CIP2A: variants seen among roughly 807,000 people sequenced by gnomAD.
The protein encoded by CIP2A is protein CIP2A.
A neutral mutation model predicts 110.9 loss-of-function variants in CIP2A; 103 were observed. The observed-to-expected ratio is 0.93, with a 90% CI of 0.79 to 1.09. The LOEUF (loss-of-function observed/expected upper bound fraction) is 1.09, where lower values mean the gene tolerates loss of function less well. CIP2A is among the 50% of genes least tolerant of loss of function. The probability of loss-of-function intolerance (pLI) is 0.00; values close to 1 mark genes in which losing one functional copy is unlikely to be tolerated. For synonymous variants in CIP2A, 381 were observed against 361.6 expected (o/e 1.05, Z -0.61); for missense variants, 1,088 against 1,038.4 (o/e 1.05, Z -0.66).
Position 108,551,332 on chromosome 3 carries a change from G to A in CIP2A, c.2548-13C>T. 1 of 1,581,052 alleles carries A rather than the reference G, an allele frequency of 6.3e-7. No homozygotes were observed. The highest frequency in any genetic ancestry group is 1.2e-5 in the South Asian group (1 of 84,968). Reference sequence around the variant, plus strand: ...CTAGGGAGGAAGCCTAAGGAATTGGGGTTGGGGGAGGAGGAAGAATTGAGA... The same window carrying A: ...CTAGGGAGGAAGCCTAAGGAATTGGAGTTGGGGGAGGAGGAAGAATTGAGA... On this transcript the variant is annotated splice_polypyrimidine_tract_variant and intron_variant, in intron 20 of 20. Transcript: ENST00000295746.
chr3:108,559,362 T>A (rs1040517024), intron 16 of CIP2A, among the ~76,000 whole-genome samples: 2 of 152,142 alleles, frequency 1.3e-5, no homozygotes, highest in African/African-American at 4.8e-5. Context: ...TTTGTGGTAT[T>A]TGCTGTATAT....
rs1937916407 is a variant in CIP2A at position 108,559,254 on chromosome 3, AG to A, written c.2013+502del. On this transcript the variant is annotated intron_variant, in intron 16 of 20. Coordinates refer to ENST00000295746, the MANE Select transcript of CIP2A (RefSeq NM_020890.3). ...ATAGGAGGTAAAAACTGTGATTTCC[AG>A]GGTTCTTATTTGTAGAACACTAAAA... Among the ~76,000 whole-genome samples the A allele has an allele frequency of 2.6e-5, 4 of 152,292 alleles. No homozygotes were observed. In the South Asian group the frequency reaches 8.3e-4, roughly 32 times the overall value.
At chr3:108,580,691 C>T (rs1576317747) in intron 5 of CIP2A, among the ~76,000 whole-genome samples, 1 of 151,652 alleles carries the variant, frequency 6.6e-6, no homozygotes, top group Non-Finnish European at 1.5e-5. Context: ...GGCAGTGGCG[C>T]GATCTCAGCT....
chr3:108,553,917 A>AAAAAAAAAAAAAAAAAAAAAAAAAAAAC, intron 18 of CIP2A, among the ~76,000 whole-genome samples, 187 bp from the exon 19 acceptor site: 1 of 142,112 alleles, frequency 7.0e-6, no homozygotes, highest in Non-Finnish European at 1.5e-5. Context: ...AAAAAAAAAA[A>AAAAAAAAAAAAAAAAAAAAAAAAAAAAC]AAGGTCTCGT....
intron 9 of CIP2A, 88 bp downstream of exon 9, chr3:108,569,301 T>A: frequency 1.0e-6 from 1 of 973,684 alleles, no homozygotes; most frequent in Non-Finnish European, 1.6e-6. Flanking sequence ...GTGTATGAAC[T>A]GTAAGTTTAC....
At chr3:108,572,684 C>T (rs1938439299) in intron 8 of CIP2A, among the ~76,000 whole-genome samples, 1 of 151,960 alleles carries the variant, frequency 6.6e-6, no homozygotes, top group African/African-American at 2.4e-5. Context: ...ATCTTGTATC[C>T]AGCCAACTTG....
intron 8 of CIP2A, among the ~76,000 whole-genome samples, chr3:108,571,929 G>A (rs1288942893): frequency 2.6e-5 from 4 of 152,008 alleles, no homozygotes; most frequent in Non-Finnish European, 5.9e-5. Flanking sequence ...GGTGTCAGAT[G>A]GTATGATACT....
At chr3:108,586,377 G>A (rs1202773544) in intron 1 of CIP2A, among the ~76,000 whole-genome samples, 3 of 152,222 alleles carry the variant, frequency 2.0e-5, no homozygotes, top group East Asian at 1.9e-4. Context: ...TATAAATCTA[G>A]CTCTCCAGAA....
At position 108,576,324 on chromosome 3, in the gene CIP2A, G is replaced by C. The variant is rs746820576; in HGVS notation, c.841C>G (p.Leu281Val). ...TTAAGAAGACCTAATACTTGGTGAAGACATGAAGAAAAGTGCTCATATCTA... is the reference window on the plus strand; with the variant it reads ...TTAAGAAGACCTAATACTTGGTGAACACATGAAGAAAAGTGCTCATATCTA... ...LTRYEHFSSCLHQVLGLLNGK... is the reference protein window; with the variant it reads ...LTRYEHFSSCVHQVLGLLNGK... The change falls in exon 8 of 21, where the codon CTT (leucine) becomes GTT (valine). Residue 281 changes from leucine to valine, a missense_variant. Physicochemically the swap from Leu to Val is conservative, Grantham distance 32. Coordinates refer to ENST00000295746, the MANE Select transcript of CIP2A (RefSeq NM_020890.3). 1 of 1,555,502 alleles carries C rather than the reference G, an allele frequency of 6.4e-7. No homozygotes were observed. Among genetic ancestry groups the C allele is most frequent in the Non-Finnish European group, 8.7e-7 (1 of 1,147,200 alleles).
At chr3:108,566,342 A>T (rs1194838127) in intron 11 of CIP2A, among the ~76,000 whole-genome samples, 155 bp downstream of exon 11, 1 of 151,818 alleles carries the variant, frequency 6.6e-6, no homozygotes, top group Non-Finnish European at 1.5e-5. Flanking sequence ...CTACAAATTG[A>T]ATGAATTTAC....
rs759672958 is a variant in CIP2A, at chr3:108,569,557, C to G, written c.945G>C (p.Met315Ile). 74 of 1,612,486 alleles carry G rather than the reference C, an allele frequency of 4.6e-5. No homozygotes were observed. The highest frequency in any genetic ancestry group is 5.9e-5 in the Non-Finnish European group (70 of 1,179,210). ...AFCSVTQLRHMLTQMMFEQSP... is the reference protein window; with the variant it reads ...AFCSVTQLRHILTQMMFEQSP... ...ACTGTTCAAACATCATCTGAGTGAGCATATGGCGCAGCTGAGTCACTGAAC... is the reference window on the plus strand; with the variant it reads ...ACTGTTCAAACATCATCTGAGTGAGGATATGGCGCAGCTGAGTCACTGAAC... The change falls in exon 9 of 21, where the codon ATG becomes ATC. Residue 315 changes from methionine to isoleucine, a missense_variant. Coordinates refer to ENST00000295746, the MANE Select transcript of CIP2A (RefSeq NM_020890.3).
intron 9 of CIP2A, among the ~76,000 whole-genome samples, chr3:108,568,839 G>A (rs1210020300): frequency 6.6e-6 from 1 of 151,846 alleles, no homozygotes; most frequent in African/African-American, 2.4e-5. Flanking sequence ...ACCCAGTTAT[G>A]TGAAGGGAAA....
Position 108,558,494 on chromosome 3 carries a change from T to G in CIP2A, c.2014-1080A>C, listed in dbSNP as rs550155932. ...ATATGTACATAATACAATGCCAAAT[T>G]TACTGAGCACCTATTATGTGCCAAG... On this transcript the variant is annotated intron_variant, in intron 16 of 20. Coordinates refer to ENST00000295746, the MANE Select transcript of CIP2A (RefSeq NM_020890.3). Among the ~76,000 whole-genome samples, 7 of 152,234 alleles carry G rather than the reference T, an allele frequency of 4.6e-5. No homozygotes were observed. The South Asian group carries it at 1.4e-3, about 32-fold the overall frequency.
chr3:108,582,319 T>TA (rs1238487854), intron 3 of CIP2A, 117 bp from the exon 4 acceptor site: 3 of 453,044 alleles, frequency 6.6e-6, no homozygotes, highest in Middle Eastern at 5.6e-4. Flanking sequence ...ACAATTTTTT[T>TA]AAAAAACACA....
rs780835259 is a variant in CIP2A at position 108,552,337 on chromosome 3, ATCTTT to A, written c.2439_2443del (p.Glu813AspfsTer2). ...TTCCCTTTCCTTTTGTAAGGTTTTAATCTTTTCTTCTTGTACTTTTGTTTTTTGAT... is the reference window on the plus strand; with the variant it reads ...TTCCCTTTCCTTTTGTAAGGTTTTAATCTTCTTGTACTTTTGTTTTTTGAT... On this transcript the variant is annotated frameshift_variant, in exon 20 of 21. Coordinates refer to ENST00000295746, the MANE Select transcript of CIP2A (RefSeq NM_020890.3). LOFTEE classifies it high-confidence loss of function. The A allele has an allele frequency of 7.3e-5, 113 of 1,543,922 alleles. No homozygotes were observed. Among genetic ancestry groups the A allele is most frequent in the Non-Finnish European group, 9.5e-5 (109 of 1,142,786 alleles).
chr3:108,576,131 C>T, intron 8 of CIP2A, 140 bp downstream of exon 8: 1 of 530,870 alleles, frequency 1.9e-6, no homozygotes. Context: ...CTGATCTAGA[C>T]ACTGGCTACA....
chr3:108,575,448 ATATACATG>A lies in CIP2A; in HGVS notation c.894+815_894+822del, dbSNP rs975390660. On this transcript the variant is annotated intron_variant, in intron 8 of 20. Coordinates refer to ENST00000295746, the MANE Select transcript of CIP2A (RefSeq NM_020890.3). ...TGTATACATACACATACATATATAC[ATATACATG>A]TATACATGTGAGTATATATACACAT... Among the ~76,000 whole-genome samples, 5 of 150,070 alleles carry A rather than the reference ATATACATG, an allele frequency of 3.3e-5. No homozygotes were observed. The East Asian group carries it at 6.0e-4, about 18-fold the overall frequency.
At chr3:108,566,659 A>G in intron 10 of CIP2A, 21 bp from the exon 11 acceptor site, 3 of 1,508,292 alleles carry the variant, frequency 2.0e-6, no homozygotes, top group Non-Finnish European at 2.7e-6. Flanking sequence ...GTTAAGATAT[A>G]CAACAAAAAA....
At chr3:108,563,041 C>T in intron 13 of CIP2A, 85 bp downstream of exon 13, 1 of 750,010 alleles carries the variant, frequency 1.3e-6, no homozygotes, top group Non-Finnish European at 2.3e-6. Context: ...CACTAATTTG[C>T]TTGTGTATCT....
Sources: allele counts gnomAD v4.1 joint callset (sites outside exome capture counted in the v4.1 genomes callset), GRCh38; gene constraint gnomAD v4.1.1; transcripts MANE v1.5; gene names NCBI Gene and HGNC (gene_info 2026-07-23, HGNC 2026-07-21).